Variants in CFAP221 observed in about 807,000 individuals in gnomAD.
CFAP221 encodes cilia- and flagella-associated protein 221.
In CFAP221, 97 loss-of-function variants were observed where a neutral mutation model predicts 113.1. The ratio of observed to expected loss-of-function variants is 0.86; its 90% CI spans 0.73 to 1.02. The LOEUF (loss-of-function observed/expected upper bound fraction) is 1.02. Ranked by LOEUF, CFAP221 falls within the 50% of genes least tolerant of loss-of-function variation. The probability of loss-of-function intolerance (pLI) is 0.00; values close to 1 mark genes in which losing one functional copy is unlikely to be tolerated. For synonymous variants in CFAP221, 331 were observed against 354.4 expected (o/e 0.93, Z 0.74); for missense variants, 1,025 against 1,013.4 (o/e 1.01, Z -0.16).
Position 119,545,635 on chromosome 2 carries a change from CTCCAAATGTTAAAGGCT to C in CFAP221, c.-47-445_-47-429del, listed in dbSNP as rs565455276. 5.9e-5 allele frequency among the ~76,000 whole-genome samples: 9 copies of C among 152,338 alleles called. No individual in the cohort carries two copies. In the East Asian group the frequency reaches 1.2e-3, roughly 20 times the overall value. Reference sequence around the variant, plus strand: ...AATGCCAGTGTCCTGTAAACAGTGCCTCCAAATGTTAAAGGCTTCCATAGTCAAATATTCTAAGAAAC... The same window carrying C: ...AATGCCAGTGTCCTGTAAACAGTGCCTCCATAGTCAAATATTCTAAGAAAC... On this transcript the variant is annotated intron_variant, in intron 1 of 23. Transcript: ENST00000413369.
intron 6 of CFAP221, chr2:119,572,634 C>T (rs1682149049): frequency 2.9e-6 from 2 of 690,350 alleles, no homozygotes; most frequent in Admixed American, 2.0e-5. Context: ...ACTCATTTTC[C>T]TTGCACCAAG....
chr2:119,570,641 G>T (rs1298264729), intron 6 of CFAP221, among the ~76,000 whole-genome samples: 1 of 152,174 alleles, frequency 6.6e-6, no homozygotes, highest in Non-Finnish European at 1.5e-5. Flanking sequence ...TAGTGTGACT[G>T]ATTTCTTTCA....
chr2:119,601,827 A>C (rs1211507208), intron 8 of CFAP221, among the ~76,000 whole-genome samples: 2 of 152,252 alleles, frequency 1.3e-5, no homozygotes, highest in African/African-American at 2.4e-5. Context: ...AGAGACCAAA[A>C]TAAGTCATAT....
intron 6 of CFAP221, among the ~76,000 whole-genome samples, chr2:119,563,677 G>T (rs532514278): frequency 4.3e-4 from 66 of 152,320 alleles, no homozygotes; most frequent in African/African-American, 1.6e-3. Flanking sequence ...TCTGTGAAGT[G>T]CTGATGGGTT....
At chr2:119,641,861 C>G (rs1476364268) in intron 21 of CFAP221, among the ~76,000 whole-genome samples, 1 of 152,164 alleles carries the variant, frequency 6.6e-6, no homozygotes, top group Non-Finnish European at 1.5e-5. Flanking sequence ...GGGGTGCTGT[C>G]AGCACACTGA....
chr2:119,544,672 G>T (rs975509534), intron 1 of CFAP221, among the ~76,000 whole-genome samples, 162 bp downstream of exon 1: 11 of 152,180 alleles, frequency 7.2e-5, no homozygotes, highest in Non-Finnish European at 1.5e-4. Flanking sequence ...TGAGGATGGT[G>T]GGGGGAGCGG....
chr2:119,654,527 A>G (rs1266926349), intron 23 of CFAP221, among the ~76,000 whole-genome samples: 1 of 152,064 alleles, frequency 6.6e-6, no homozygotes. Flanking sequence ...TCTTCATACC[A>G]TGGAGCTAAT....
intron 20 of CFAP221, among the ~76,000 whole-genome samples, chr2:119,639,301 C>T (rs1293469449): frequency 2.0e-5 from 3 of 152,192 alleles, no homozygotes; most frequent in African/African-American, 7.2e-5. Flanking sequence ...GCCCTCGTGA[C>T]CTGCCTGGCT....
At chr2:119,644,083 G>A (rs1311574287) in intron 21 of CFAP221, among the ~76,000 whole-genome samples, 2 of 152,016 alleles carry the variant, frequency 1.3e-5, no homozygotes, top group African/African-American at 2.4e-5. Flanking sequence ...AACCCGGGAG[G>A]CAGAGCTTGC....
At chr2:119,628,913 C>T (rs1188473973) in intron 16 of CFAP221, among the ~76,000 whole-genome samples, 3 of 152,088 alleles carry the variant, frequency 2.0e-5, no homozygotes, top group Non-Finnish European at 4.4e-5. Context: ...TGCAGTGGAG[C>T]CCCCCTCATT....
At position 119,611,738 on chromosome 2, in the gene CFAP221, A is replaced by G; in HGVS notation, c.1307A>G (p.Glu436Gly). Residue 436 changes from glutamate (E) to glycine (G), a missense_variant, in exon 13 of 24, where the codon GAA becomes GGA. Coordinates refer to ENST00000413369, the MANE Select transcript of CFAP221 (RefSeq NM_001271049.2). ...CATAAACGGGTTGTTCGCAATCAAGAAGAGGTGGGTAACTTTCCTTTATTT... is the reference window on the plus strand; with the variant it reads ...CATAAACGGGTTGTTCGCAATCAAGGAGAGGTGGGTAACTTTCCTTTATTT... Reference protein sequence around the residue: ...VSHKRVVRNQEEKIKEFHPTF... With the variant: ...VSHKRVVRNQGEKIKEFHPTF... 1.9e-6 allele frequency: 3 copies of G among 1,610,112 alleles called. No homozygotes were observed. Among genetic ancestry groups the G allele is most frequent in the Non-Finnish European group, 2.5e-6 (3 of 1,177,660 alleles).
In CFAP221 at chr2:119,601,312, G is replaced by A. The variant is rs748186157; in HGVS notation, c.726G>A (p.Ser242=). ...TAQIKMQLWI[S]QFNSQPYECV... ...AAATAAAAATGCAGTTATGGATTTC[G>A]CAGTTCAACTCTCAACCATACGAAT... is the stretch of plus-strand genomic sequence containing the variant. Residue 242 remains serine (S), a synonymous_variant, in exon 8 of 24, where the codon TCG becomes TCA. Coordinates refer to ENST00000413369, the MANE Select transcript of CFAP221 (RefSeq NM_001271049.2). 2.5e-5 allele frequency: 39 copies of A among 1,535,562 alleles called. No individual in the cohort carries two copies. The highest frequency in any genetic ancestry group is 1.7e-4 in the Middle Eastern group (1 of 6,012).
chr2:119,551,146 A>G (rs1302487271), intron 3 of CFAP221, among the ~76,000 whole-genome samples: 2 of 152,190 alleles, frequency 1.3e-5, no homozygotes, highest in Non-Finnish European at 2.9e-5. Flanking sequence ...TGGTTTATCC[A>G]CTTATCAGCT....
chr2:119,548,610 A>G (rs1680208247), intron 2 of CFAP221, among the ~76,000 whole-genome samples: 1 of 152,240 alleles, frequency 6.6e-6, no homozygotes, highest in South Asian at 2.1e-4. Flanking sequence ...ATATTACTCT[A>G]CATCACATTG....
intron 6 of CFAP221, among the ~76,000 whole-genome samples, chr2:119,571,625 T>C (rs1682065727): frequency 6.6e-6 from 1 of 151,976 alleles, no homozygotes; most frequent in South Asian, 2.1e-4. Flanking sequence ...TAGCTAACTT[T>C]TTTGTATTTT....
At position 119,559,776 on chromosome 2, in the gene CFAP221, G is replaced by A. The variant is rs770533872; in HGVS notation, c.327+1G>A. 1.4e-5 allele frequency: 22 copies of A among 1,519,894 alleles called. No individual in the cohort carries two copies. The South Asian group carries it at 2.4e-4, about 17-fold the overall frequency. 94.2% of individuals were successfully genotyped at this position (1,519,894 alleles called of 1,614,324 possible). On this transcript the variant is annotated splice_donor_variant, in intron 4 of 23. Transcript: ENST00000413369. LOFTEE classifies it high-confidence loss of function. ...CTTTGAGATCAATTATGTAAGAAAG[G>A]TAAGCGTCATTGGTTTACCTGTTCT...
intron 7 of CFAP221, among the ~76,000 whole-genome samples, chr2:119,589,069 G>C (rs538648056): frequency 2.0e-5 from 3 of 152,194 alleles, no homozygotes; most frequent in Non-Finnish European, 2.9e-5. Flanking sequence ...GTCTTTTGCT[G>C]GTTTGAATGA....
chr2:119,567,694 C>A (rs1681747409), intron 6 of CFAP221, among the ~76,000 whole-genome samples: 1 of 152,110 alleles, frequency 6.6e-6, no homozygotes, highest in Non-Finnish European at 1.5e-5. Flanking sequence ...AAGAAACTAC[C>A]AAACTATCTT....
intron 7 of CFAP221, among the ~76,000 whole-genome samples, chr2:119,597,261 C>T (rs762842941): frequency 6.6e-6 from 1 of 152,160 alleles, no homozygotes; most frequent in African/African-American, 2.4e-5. Flanking sequence ...CGGAGTTACA[C>T]AATTCATGTA....
Sources: allele counts gnomAD v4.1 joint callset (sites outside exome capture counted in the v4.1 genomes callset), GRCh38; gene constraint gnomAD v4.1.1; transcripts MANE v1.5; gene names NCBI Gene and HGNC (gene_info 2026-07-23, HGNC 2026-07-21).